LINGO2: variants seen among roughly 807,000 people sequenced by gnomAD.
LINGO2 encodes the protein leucine-rich repeat and immunoglobulin-like domain-containing nogo receptor-interacting protein 2.
LINGO2 carries 14 observed loss-of-function variants against 30.6 expected under a neutral mutation model. The observed-to-expected ratio is 0.46, with a 90% CI of 0.30 to 0.72. LINGO2 has a LOEUF of 0.72. Among genes scored for constraint, LINGO2 ranks in the 30% least tolerant of loss-of-function variants. The probability of loss-of-function intolerance (pLI) is 0.07; values close to 1 mark genes in which losing one functional copy is unlikely to be tolerated. For missense variants in LINGO2, 729 were observed against 751.7 expected (o/e 0.97, Z 0.35); for synonymous variants, 317 against 288.5 (o/e 1.10, Z -1.00).
the LINGO2 span, among the ~76,000 whole-genome samples, chr9:28,979,571 TG>T: frequency 6.6e-6 from 1 of 152,052 alleles, no homozygotes; most frequent in Non-Finnish European, 1.5e-5. Flanking sequence ...ATATTCCAAA[TG>T]GGACCTTTGG....
chr9:28,674,581 T>C (rs1399360632), upstream of LINGO2, among the ~76,000 whole-genome samples: 1 of 152,194 alleles, frequency 6.6e-6, no homozygotes, highest in Non-Finnish European at 1.5e-5. Context: ...TTATAGTGAT[T>C]CTCACACTTT....
chr9:28,797,329 C>CATATATATATATATAT, the LINGO2 span, among the ~76,000 whole-genome samples: 7 of 65,946 alleles, frequency 1.1e-4, no homozygotes, highest in Non-Finnish European at 1.4e-4. Flanking sequence ...ATCATATATA[C>CATATATATATATATAT]ATATATATAT....
At chr9:28,235,440 A>G (rs1821527402) in intron 4 of LINGO2, among the ~76,000 whole-genome samples, 1 of 152,180 alleles carries the variant, frequency 6.6e-6, no homozygotes, top group Admixed American at 6.5e-5. Context: ...ACACTAGAGA[A>G]TATCTATAAG....
At chr9:29,168,604 TTCTC>T in the LINGO2 span, among the ~76,000 whole-genome samples, 3 of 152,218 alleles carry the variant, frequency 2.0e-5, no homozygotes, top group Non-Finnish European at 4.4e-5. Context: ...CATCTGCATT[TTCTC>T]TCTTTTTATT....
the LINGO2 span, among the ~76,000 whole-genome samples, chr9:29,213,290 C>G: frequency 6.6e-6 from 1 of 152,148 alleles, no homozygotes; most frequent in Non-Finnish European, 1.5e-5. Context: ...CGATAATGCC[C>G]CTCCCCCCTT....
At chr9:28,169,614 C>A (rs766189623) in intron 4 of LINGO2, among the ~76,000 whole-genome samples, 127 of 152,214 alleles carry the variant, frequency 8.3e-4, no homozygotes, top group Admixed American at 1.6e-3. Context: ...ATAAAATGGA[C>A]AAAATCAATA....
intron 2 of LINGO2, among the ~76,000 whole-genome samples, chr9:28,463,047 C>A (rs535563420): frequency 6.6e-6 from 1 of 151,886 alleles, no homozygotes; most frequent in South Asian, 2.1e-4. Flanking sequence ...TTCTGGTTTA[C>A]AAAAGACACT....
At chr9:28,100,924 A>G (rs914641350) in intron 4 of LINGO2, among the ~76,000 whole-genome samples, 6 of 152,084 alleles carry the variant, frequency 3.9e-5, no homozygotes, top group African/African-American at 1.4e-4. Flanking sequence ...TTGGCAGTGT[A>G]TTTTAGAGGG....
At chr9:28,596,220 A>C (rs1825169990) in intron 1 of LINGO2, among the ~76,000 whole-genome samples, 2 of 152,188 alleles carry the variant, frequency 1.3e-5, no homozygotes, top group Non-Finnish European at 2.9e-5. Flanking sequence ...GCATATTAAA[A>C]TACTGAGGTA....
chr9:28,791,874 A>G, the LINGO2 span, among the ~76,000 whole-genome samples: 1 of 151,730 alleles, frequency 6.6e-6, no homozygotes, highest in Non-Finnish European at 1.5e-5. Context: ...AAAACATTGT[A>G]ATTATCTGAA....
At chr9:29,033,723 C>T in the LINGO2 span, among the ~76,000 whole-genome samples, 12 of 151,838 alleles carry the variant, frequency 7.9e-5, no homozygotes, top group Non-Finnish European at 1.5e-4. Context: ...ATAAGTGTTT[C>T]TGAAGAGTGA....
At chr9:28,498,095 C>G (rs933117342) in intron 1 of LINGO2, among the ~76,000 whole-genome samples, 1 of 152,146 alleles carries the variant, frequency 6.6e-6, no homozygotes, top group Non-Finnish European at 1.5e-5. Flanking sequence ...AGTTAGGTTA[C>G]TTGGGGGTCA....
At chr9:28,186,674 C>G (rs1318464984) in intron 4 of LINGO2, among the ~76,000 whole-genome samples, 2 of 151,896 alleles carry the variant, frequency 1.3e-5, no homozygotes, top group African/African-American at 4.8e-5. Flanking sequence ...GTGAAGACTT[C>G]AATGAGTAGA....
the LINGO2 span, among the ~76,000 whole-genome samples, chr9:28,737,333 A>G: frequency 6.6e-6 from 1 of 152,182 alleles, no homozygotes; most frequent in Non-Finnish European, 1.5e-5. Flanking sequence ...GAACCCAGAG[A>G]ACATAACAAG....
At chr9:29,150,679 G>A in the LINGO2 span, among the ~76,000 whole-genome samples, 5 of 152,278 alleles carry the variant, frequency 3.3e-5, no homozygotes, top group South Asian at 2.1e-4. Context: ...CTCAGAGCTC[G>A]AAGACCAGTT....
At chr9:29,169,711 A>G in the LINGO2 span, among the ~76,000 whole-genome samples, 3 of 152,204 alleles carry the variant, frequency 2.0e-5, no homozygotes, top group African/African-American at 7.2e-5. Flanking sequence ...CCTCTATAGA[A>G]AACAGTATGG....
the LINGO2 span, among the ~76,000 whole-genome samples, chr9:29,104,532 G>C: frequency 6.6e-6 from 1 of 151,968 alleles, no homozygotes; most frequent in Non-Finnish European, 1.5e-5. Context: ...ACCCAGTCTC[G>C]GGTAGTTCTT....
chr9:29,164,035 T>C, the LINGO2 span, among the ~76,000 whole-genome samples: 2 of 151,906 alleles, frequency 1.3e-5, no homozygotes, highest in Non-Finnish European at 2.9e-5. Context: ...TTTGTTTTCT[T>C]AGTATGCTAC....
the LINGO2 span, among the ~76,000 whole-genome samples, chr9:28,726,808 A>G: frequency 6.6e-6 from 1 of 152,198 alleles, no homozygotes; most frequent in East Asian, 1.9e-4. Flanking sequence ...TGTTGGAACA[A>G]TAGGAAAGTC....
Sources: gnomAD v4.1 joint callset for allele counts (sites outside exome capture counted in the v4.1 genomes callset) on GRCh38, gnomAD v4.1.1 for gene constraint, MANE v1.5 for transcripts, NCBI Gene and HGNC (gene_info 2026-07-23, HGNC 2026-07-21) for gene names.